Variants in SIAH3 observed in about 807,000 individuals in gnomAD.
The protein encoded by SIAH3 is siah E3 ubiquitin protein ligase family member 3, also known as seven in absentia homolog 3.
SIAH3 carries 9 observed loss-of-function variants against 12.6 expected under a neutral mutation model. The ratio of observed to expected loss-of-function variants is 0.72; its 90% CI spans 0.43 to 1.25. The LOEUF is 1.25. Ranked by LOEUF, SIAH3 falls within the 50% of genes most tolerant of loss-of-function variation. The pLI is 0.00. For synonymous variants in SIAH3, 154 were observed against 151.1 expected (o/e 1.02, Z -0.14); for missense variants, 390 against 365.4 (o/e 1.07, Z -0.55).
At chr13:45,785,331 C>A (rs907054683) in intron 1 of SIAH3, among the ~76,000 whole-genome samples, 4 of 152,230 alleles carry the variant, frequency 2.6e-5, no homozygotes, top group Non-Finnish European at 5.9e-5. Flanking sequence ...TGCCCTAGCT[C>A]TCCAAATGCT....
At chr13:45,827,081 G>A in intron 1 of SIAH3, among the ~76,000 whole-genome samples, 1 of 152,124 alleles carries the variant, frequency 6.6e-6, no homozygotes. Flanking sequence ...TTAGCTCTGA[G>A]CCAATCACTA....
intron 1 of SIAH3, among the ~76,000 whole-genome samples, chr13:45,793,375 T>C (rs1950552483): frequency 6.6e-6 from 1 of 152,214 alleles, no homozygotes; most frequent in African/African-American, 2.4e-5. Flanking sequence ...TCCACAGTAC[T>C]CTCTGCCTCC....
chr13:45,798,760 C>T (rs544919984), intron 1 of SIAH3, among the ~76,000 whole-genome samples: 6 of 152,226 alleles, frequency 3.9e-5, no homozygotes, highest in Non-Finnish European at 8.8e-5. Context: ...TGGTTTGGAG[C>T]TTCCTGATTC....
chr13:45,792,505 G>T (rs35965065), intron 1 of SIAH3, among the ~76,000 whole-genome samples: 13,942 of 152,012 alleles, frequency 0.092, 892 homozygotes, highest in Non-Finnish European at 0.13. Context: ...TTACAGACAG[G>T]TGCCATCATG....
In SIAH3 at chr13:45,826,609, T is replaced by C. The variant is rs185059803; in HGVS notation, c.135+24886A>G. ...GCTTTACCTTATCACGTGCCTCCTG[T>C]TCATGTTGCAGCCTTCATCACATGT... is the stretch of plus-strand genomic sequence containing the variant. On this transcript the variant is annotated intron_variant, in intron 1 of 1. Coordinates refer to ENST00000400405, the MANE Select transcript of SIAH3 (RefSeq NM_198849.3). Among the ~76,000 whole-genome samples the C allele has an allele frequency of 1.1e-4, 17 of 152,260 alleles. No individual in the cohort carries two copies. In the East Asian group the frequency reaches 3.1e-3, roughly 28 times the overall value.
rs189865768 is a variant in SIAH3 at position 45,779,722 on chromosome 13, G to C, written c.*3661C>G. 1.3e-5 allele frequency: 2 copies of C among 152,310 alleles called. No homozygotes were observed. The highest frequency in any genetic ancestry group is 6.5e-5 in the Admixed American group (1 of 15,300). The allele number at this position is 152,310 out of a possible 1,614,324, so 9.4% of individuals were successfully genotyped here. ...TGATCTACTATATTCAAAGTACGCAGCCTACTGGATCATATAGAAAAGCCT... is the reference window on the plus strand; with the variant it reads ...TGATCTACTATATTCAAAGTACGCACCCTACTGGATCATATAGAAAAGCCT... On this transcript the variant is annotated 3_prime_UTR_variant, in exon 2 of 2. Coordinates refer to ENST00000400405, the MANE Select transcript of SIAH3 (RefSeq NM_198849.3).
At chr13:45,796,170 T>C (rs1481525539) in intron 1 of SIAH3, among the ~76,000 whole-genome samples, 1 of 152,178 alleles carries the variant, frequency 6.6e-6, no homozygotes, top group East Asian at 1.9e-4. Context: ...TTTATATATA[T>C]ATATGTGTGT....
At chr13:45,787,311 C>T (rs1380017270) in intron 1 of SIAH3, among the ~76,000 whole-genome samples, 1 of 152,058 alleles carries the variant, frequency 6.6e-6, no homozygotes, top group Non-Finnish European at 1.5e-5. Context: ...AGAAAGATGC[C>T]CGTAGTTCAT....
chr13:45,789,401 T>TATCTATCTATC lies in SIAH3; in HGVS notation c.136-5355_136-5345dup, dbSNP rs1566087060. 7.5e-5 allele frequency among the ~76,000 whole-genome samples: 6 copies of TATCTATCTATC among 80,230 alleles called. 1 individual carries two copies. Among genetic ancestry groups the TATCTATCTATC allele is most frequent in the African/African-American group, 2.7e-4 (6 of 22,446 alleles). The allele number at this position is 80,230 out of a possible 152,430, so 52.6% of individuals were successfully genotyped here. A position where few individuals can be genotyped will look rare whatever the true frequency, so the allele number is the denominator to read the frequency against. On this transcript the variant is annotated intron_variant, in intron 1 of 1. Transcript: ENST00000400405. ...CTATCTATCTATCTATCTATCTATC[T>TATCTATCTATC]ATCTATCTATCTATCTATATGTTGA...
Position 45,851,731 on chromosome 13 carries a change from C to T in SIAH3, c.-102G>A, listed in dbSNP as rs534132241. On this transcript the variant is annotated 5_prime_UTR_variant, in exon 1 of 2. Transcript: ENST00000400405. ...GCCTCTGAGACACTCCGCTCCAGCC[C>T]GGCTTAGCGCGCCTTCATATTCATC... 6.1e-5 allele frequency: 87 copies of T among 1,431,866 alleles called. No homozygotes were observed. In the East Asian group the frequency reaches 1.1e-3, roughly 19 times the overall value. 88.7% of individuals were successfully genotyped at this position (1,431,866 alleles called of 1,614,324 possible).
intron 1 of SIAH3, among the ~76,000 whole-genome samples, chr13:45,825,873 A>C (rs1314416856): frequency 6.6e-6 from 1 of 152,100 alleles, no homozygotes; most frequent in African/African-American, 2.4e-5. Flanking sequence ...TCTCTGAGTT[A>C]CAGCTTTCCT....
intron 1 of SIAH3, among the ~76,000 whole-genome samples, chr13:45,848,059 A>C (rs1950766646): frequency 6.6e-6 from 1 of 152,166 alleles, no homozygotes; most frequent in Non-Finnish European, 1.5e-5. Flanking sequence ...TTCTTGGTTT[A>C]GAAACAAGCA....
intron 1 of SIAH3, among the ~76,000 whole-genome samples, chr13:45,807,109 A>G (rs1313151564): frequency 6.6e-6 from 1 of 152,204 alleles, no homozygotes; most frequent in African/African-American, 2.4e-5. Flanking sequence ...AATAAATTTT[A>G]TAGGAAACAG....
At chr13:45,808,536 A>C (rs78499733) in intron 1 of SIAH3, among the ~76,000 whole-genome samples, 3,261 of 152,304 alleles carry the variant, frequency 0.021, 127 homozygotes, top group African/African-American at 0.074. Context: ...CTGAATTGTA[A>C]CTGTAGGTTG....
chr13:45,802,416 G>A (rs1193009168), intron 1 of SIAH3, among the ~76,000 whole-genome samples: 1 of 152,174 alleles, frequency 6.6e-6, no homozygotes, highest in Non-Finnish European at 1.5e-5. Flanking sequence ...GGGTTAGGGG[G>A]CGAGGTGCAG....
chr13:45,827,303 C>T (rs545804071), intron 1 of SIAH3, among the ~76,000 whole-genome samples: 7 of 152,096 alleles, frequency 4.6e-5, no homozygotes, highest in Admixed American at 1.3e-4. Flanking sequence ...CTTGCAAACA[C>T]GAGGCAGCAA....
At chr13:45,826,445 A>ATGAGTGGGTGTGTGGG (rs750477752) in intron 1 of SIAH3, among the ~76,000 whole-genome samples, 2 of 46,512 alleles carry the variant, frequency 4.3e-5, no homozygotes, top group Non-Finnish European at 3.7e-5. Flanking sequence ...GGATGCATGG[A>ATGAGTGGGTGTGTGGG]TGGATGGATG....
chr13:45,808,567 A>G (rs964380417), intron 1 of SIAH3, among the ~76,000 whole-genome samples: 1 of 152,256 alleles, frequency 6.6e-6, no homozygotes, highest in Non-Finnish European at 1.5e-5. Context: ...CAAGAGTTCA[A>G]CAAAACCAAT....
At chr13:45,836,224 G>T (rs1950717204) in intron 1 of SIAH3, among the ~76,000 whole-genome samples, 1 of 152,176 alleles carries the variant, frequency 6.6e-6, no homozygotes, top group Non-Finnish European at 1.5e-5. Flanking sequence ...GAAAAGTCCT[G>T]CCAGGTTATT....
Sources: gnomAD v4.1 joint callset for allele counts (sites outside exome capture counted in the v4.1 genomes callset) on GRCh38, gnomAD v4.1.1 for gene constraint, MANE v1.5 for transcripts, NCBI Gene and HGNC (gene_info 2026-07-23, HGNC 2026-07-21) for gene names.